Variants in GPC4 observed in about 807,000 individuals in gnomAD.
GPC4 encodes the protein glypican-4.
Under a neutral mutation model 35.0 loss-of-function variants are expected in GPC4, and 10 were observed. The ratio of observed to expected loss-of-function variants is 0.29; its 90% CI spans 0.18 to 0.48. The LOEUF (loss-of-function observed/expected upper bound fraction) is 0.48, where lower values mean the gene tolerates loss of function less well. GPC4 is among the 20% of genes least tolerant of loss of function. The pLI is 0.99. For synonymous variants in GPC4, 167 were observed against 170.2 expected (o/e 0.98, Z 0.15); for missense variants, 322 against 451.3 (o/e 0.71, Z 2.60).
intron 3 of GPC4, among the ~76,000 whole-genome samples, chrX:133,319,029 C>T (rs1223212387): frequency 8.9e-6 from 1 of 112,272 alleles, no homozygotes; most frequent in African/African-American, 3.2e-5. Flanking sequence ...AATCATTGCT[C>T]AACTTTTAAC....
chrX:133,394,459 CAAAG>C (rs1282644832), intron 1 of GPC4, among the ~76,000 whole-genome samples: 1 of 110,653 alleles, frequency 9.0e-6, no homozygotes, highest in Non-Finnish European at 1.9e-5. Context: ...GTGCCAGGTA[CAAAG>C]TCCTGAGAGC....
At chrX:133,327,505 T>G (rs1159161255) in intron 2 of GPC4, among the ~76,000 whole-genome samples, 1 of 110,926 alleles carries the variant, frequency 9.0e-6, no homozygotes, top group Non-Finnish European at 1.9e-5. Context: ...CAGCCATATA[T>G]AACATAGCTA....
At chrX:133,378,871 TG>T (rs1191808299) in intron 1 of GPC4, among the ~76,000 whole-genome samples, 1 of 111,746 alleles carries the variant, frequency 8.9e-6, no homozygotes, top group African/African-American at 3.3e-5. Context: ...ATGCTTCTGT[TG>T]TTGGCTGGAG....
At chrX:133,388,286 C>T (rs2068701929) in intron 1 of GPC4, among the ~76,000 whole-genome samples, 1 of 112,073 alleles carries the variant, frequency 8.9e-6, no homozygotes, top group African/African-American at 3.2e-5. Flanking sequence ...TGCTTCAAAG[C>T]CTAACATAAC....
rs750214596 is a variant in GPC4, at chrX:133,393,812, A to G, written c.160+20994T>C. Reference sequence around the variant, plus strand: ...TCAAAACACCAAAAATAATCTAAATATCCATTTGTGGTACATATAATAGAT... The same window carrying G: ...TCAAAACACCAAAAATAATCTAAATGTCCATTTGTGGTACATATAATAGAT... On this transcript the variant is annotated intron_variant, in intron 1 of 8. Transcript: ENST00000370828. Among the ~76,000 whole-genome samples, 26 of 112,294 alleles carry G rather than the reference A, an allele frequency of 2.3e-4. 1 individual carries two copies. In the Middle Eastern group the frequency reaches 0.023, roughly 100 times the overall value.
chrX:133,373,590 A>G (rs1195114710), intron 1 of GPC4, among the ~76,000 whole-genome samples: 5 of 111,426 alleles, frequency 4.5e-5, no homozygotes, highest in Non-Finnish European at 7.5e-5. Context: ...GGGAACTTCC[A>G]GTTCTTGGGG....
At chrX:133,332,626 T>C (rs754683488) in intron 2 of GPC4, among the ~76,000 whole-genome samples, 1 of 111,941 alleles carries the variant, frequency 8.9e-6, no homozygotes, top group African/African-American at 3.2e-5. Flanking sequence ...CTCAAACTCC[T>C]GACCTCAAGT....
chrX:133,367,627 G>A (rs1220781400), intron 1 of GPC4, among the ~76,000 whole-genome samples: 6 of 111,888 alleles, frequency 5.4e-5, no homozygotes, highest in Non-Finnish European at 1.1e-4. Flanking sequence ...CCAGCACTTT[G>A]GGAGGCCAAG....
intron 1 of GPC4, among the ~76,000 whole-genome samples, chrX:133,351,812 T>A (rs1603077015): frequency 1.8e-5 from 2 of 112,375 alleles, no homozygotes; most frequent in Admixed American, 9.4e-5. Flanking sequence ...AACTCTGCCC[T>A]AACATTTTCC....
intron 1 of GPC4, among the ~76,000 whole-genome samples, chrX:133,384,214 CTTTTTT>C (rs2068677444): frequency 9.0e-6 from 1 of 111,430 alleles, no homozygotes; most frequent in African/African-American, 3.3e-5. Context: ...TTTTCTTTTT[CTTTTTT>C]CCTGGAAGGA....
intron 1 of GPC4, among the ~76,000 whole-genome samples, chrX:133,370,655 C>A (rs2068608792): frequency 9.0e-6 from 1 of 110,979 alleles, no homozygotes; most frequent in Non-Finnish European, 1.9e-5. Flanking sequence ...TTGTAATAAG[C>A]CTTTATTCTC....
At chrX:133,400,770 A>G (rs1426477653) in intron 1 of GPC4, among the ~76,000 whole-genome samples, 2 of 111,496 alleles carry the variant, frequency 1.8e-5, no homozygotes, top group African/African-American at 3.3e-5. Context: ...TTTGAGTATT[A>G]GCCAATGTGG....
chrX:133,308,647 G>C (rs1008227354), intron 4 of GPC4, among the ~76,000 whole-genome samples: 1 of 111,382 alleles, frequency 9.0e-6, no homozygotes, highest in Non-Finnish European at 1.9e-5. Context: ...GAGAGGAAGA[G>C]CATGGCAACA....
intron 3 of GPC4, among the ~76,000 whole-genome samples, chrX:133,314,072 C>T (rs1479884044): frequency 2.7e-5 from 3 of 112,072 alleles, no homozygotes; most frequent in Non-Finnish European, 5.6e-5. Flanking sequence ...TGAGCACCTA[C>T]TATGTGCCAG....
chrX:133,375,391 C>T (rs1239391385), intron 1 of GPC4, among the ~76,000 whole-genome samples: 5 of 111,789 alleles, frequency 4.5e-5, no homozygotes, highest in Non-Finnish European at 9.4e-5. Context: ...AAACATCTAC[C>T]TATCTACTGT....
At chrX:133,404,467 A>C (rs1361460880) in intron 1 of GPC4, among the ~76,000 whole-genome samples, 2 of 100,686 alleles carry the variant, frequency 2.0e-5, no homozygotes, top group Non-Finnish European at 3.9e-5. Flanking sequence ...GAATCGCTTG[A>C]ACCCGGGAGG....
chrX:133,346,309 AG>A (rs981978125), intron 1 of GPC4, among the ~76,000 whole-genome samples: 2 of 111,846 alleles, frequency 1.8e-5, no homozygotes. Context: ...AATCAGCCTC[AG>A]GTTCCCTGCC....
rs772144830 is a variant in GPC4, at chrX:133,303,239, G to T, written c.1395C>A (p.Ile465=). 1.5e-5 allele frequency: 18 copies of T among 1,209,770 alleles called. No homozygotes were observed. The highest frequency in any genetic ancestry group is 2.2e-5 in the Admixed American group (1 of 45,770). Residue 465 remains isoleucine, a synonymous_variant, in exon 8 of 9, where the codon ATC becomes ATA. Coordinates refer to ENST00000370828, the MANE Select transcript of GPC4 (RefSeq NM_001448.3). ...TGCTGGTCATCACTCGAAGAGCCAT[G>T]ATTTGACGAAGGATCAGTATGTCTG... ...SKPDILILRQ[I]MALRVMTSKM...
chrX:133,390,820 G>C lies in GPC4; in HGVS notation c.160+23986C>G, dbSNP rs561638615. On this transcript the variant is annotated intron_variant, in intron 1 of 8. Transcript: ENST00000370828. ...AACGCCCTCCTTTCATGAACACCGGGAACAAGACCTTGATGTGCTCACTTG... is the reference window on the plus strand; with the variant it reads ...AACGCCCTCCTTTCATGAACACCGGCAACAAGACCTTGATGTGCTCACTTG... 3.1e-4 allele frequency among the ~76,000 whole-genome samples: 34 copies of C among 111,286 alleles called. No homozygotes were observed. In the South Asian group the frequency reaches 0.013, roughly 41 times the overall value.
Sources: allele counts gnomAD v4.1 joint callset (sites outside exome capture counted in the v4.1 genomes callset), GRCh38; gene constraint gnomAD v4.1.1; transcripts MANE v1.5; gene names NCBI Gene and HGNC (gene_info 2026-07-23, HGNC 2026-07-21).